Variants in CFAP70 observed in about 807,000 individuals in gnomAD.
CFAP70 encodes the protein cilia and flagella associated protein 70.
A neutral mutation model predicts 137.6 loss-of-function variants in CFAP70; 81 were observed. That is an observed-to-expected ratio of 0.59 (90% confidence interval 0.49 to 0.71). The LOEUF (loss-of-function observed/expected upper bound fraction) is 0.71. Among genes scored for constraint, CFAP70 ranks in the 30% least tolerant of loss-of-function variants. The pLI is 0.00. For synonymous variants in CFAP70, 382 were observed against 423.6 expected (o/e 0.90, Z 1.20); for missense variants, 976 against 1,226.7 (o/e 0.80, Z 3.05).
intron 19 of CFAP70, among the ~76,000 whole-genome samples, chr10:73,286,361 G>T (rs1002405278): frequency 2.0e-5 from 3 of 151,938 alleles, no homozygotes; most frequent in Admixed American, 2.0e-4. Context: ...GGAGAATGGC[G>T]TGAACCCGGG....
chr10:73,256,673 G>A (rs1390393557), intron 25 of CFAP70, among the ~76,000 whole-genome samples: 1 of 151,922 alleles, frequency 6.6e-6, no homozygotes, highest in Non-Finnish European at 1.5e-5. Context: ...GGAGACCGAG[G>A]TGGGTGGATC....
At chr10:73,359,655 C>T, upstream of CFAP70, among the ~76,000 whole-genome samples, 1 of 152,220 alleles carries the variant, frequency 6.6e-6, no homozygotes, top group East Asian at 1.9e-4. Flanking sequence ...AGAGAACTAC[C>T]ATTTGACAAC....
chr10:73,350,659 T>C (rs1280650357), intron 3 of CFAP70, among the ~76,000 whole-genome samples: 1 of 152,158 alleles, frequency 6.6e-6, no homozygotes, highest in Non-Finnish European at 1.5e-5. Flanking sequence ...GAAATACTTA[T>C]AAAGGCTTCC....
At chr10:73,332,499 G>A (rs1589521939) in intron 7 of CFAP70, among the ~76,000 whole-genome samples, 1 of 151,950 alleles carries the variant, frequency 6.6e-6, no homozygotes, top group South Asian at 2.1e-4. Flanking sequence ...GGGATAGGAG[G>A]AAAAAAAGAT....
upstream of CFAP70, among the ~76,000 whole-genome samples, chr10:73,360,164 G>T (rs957301449): frequency 6.6e-6 from 1 of 152,184 alleles, no homozygotes; most frequent in Admixed American, 6.5e-5. Flanking sequence ...TTGGATGGTA[G>T]TGTTGTACCA....
chr10:73,275,386 T>TC lies in CFAP70; in HGVS notation c.2673+59dup. ...CCAGAAATCTACGTGTGATATGGCA[T>TC]CACCACCTTTAAATAAAGCCCCTTC... On this transcript the variant is annotated intron_variant, in intron 22 of 26. Coordinates refer to ENST00000310715, the Ensembl canonical transcript of CFAP70. The surrounding 1 kb of genome is among the most constrained non-coding windows in gnomAD (Gnocchi z 4.0). 6.6e-7 allele frequency: 1 copy of TC among 1,517,910 alleles called. No individual in the cohort carries two copies. Among genetic ancestry groups the TC allele is most frequent in the Non-Finnish European group, 8.8e-7 (1 of 1,134,300 alleles). The allele number at this position is 1,517,910 out of a possible 1,614,324, so 94.0% of individuals were successfully genotyped here. A position where few individuals can be genotyped will look rare whatever the true frequency, so the allele number is the denominator to read the frequency against.
rs763459371 is a variant in CFAP70, at chr10:73,278,348, T to C, written c.2240-11A>G. 12 of 1,598,444 alleles carry C rather than the reference T, an allele frequency of 7.5e-6. No homozygotes were observed. The highest frequency in any genetic ancestry group is 5.2e-5 in the Admixed American group (3 of 57,478). ...ATGCAGCTCCTGGTCCTAAATAGATTACATTTTAATGAAAAATAAAACTTC... is the reference window on the plus strand; with the variant it reads ...ATGCAGCTCCTGGTCCTAAATAGATCACATTTTAATGAAAAATAAAACTTC... On this transcript the variant is annotated splice_polypyrimidine_tract_variant and intron_variant, in intron 19 of 26. Transcript: ENST00000310715.
At chr10:73,320,228 T>A (rs1564836671) in intron 9 of CFAP70, among the ~76,000 whole-genome samples, 1 of 152,184 alleles carries the variant, frequency 6.6e-6, no homozygotes, top group South Asian at 2.1e-4. Flanking sequence ...ATATTCATTT[T>A]TATAGTCTTC....
At chr10:73,299,781 C>T (rs576580033) in intron 12 of CFAP70, 116 bp from the exon 14 acceptor site, 141 of 715,510 alleles carry the variant, frequency 2.0e-4, no homozygotes, top group Admixed American at 1.4e-3. Context: ...GAGGTCTGTT[C>T]CCCCACTGCA....
intron 23 of CFAP70, among the ~76,000 whole-genome samples, chr10:73,274,027 A>G (rs1236166618): frequency 6.6e-6 from 1 of 152,218 alleles, no homozygotes; most frequent in African/African-American, 2.4e-5. Context: ...AGAGCGCCCT[A>G]TGGAATGGGG....
chr10:73,343,986 C>T (rs182673284), intron 5 of CFAP70, among the ~76,000 whole-genome samples: 4 of 146,804 alleles, frequency 2.7e-5, no homozygotes, highest in African/African-American at 5.1e-5. Flanking sequence ...TTTGAGATGG[C>T]GTTTCACTCG....
chr10:73,352,362 C>T (rs1026443797), intron 3 of CFAP70, among the ~76,000 whole-genome samples: 8 of 152,136 alleles, frequency 5.3e-5, no homozygotes, highest in Non-Finnish European at 8.8e-5. Context: ...TTTTTTCCTA[C>T]GGTGTTTGGC....
In CFAP70 at chr10:73,335,641, CTATAAG is replaced by C. The variant is rs1402659451; in HGVS notation, c.583-123_583-118del. Reference sequence around the variant, plus strand: ...AATACTTTTCTTAGTATTATTACTACTATAAGTATGACTACTATTGCAACTACTACC... The same window carrying C: ...AATACTTTTCTTAGTATTATTACTACTATGACTACTATTGCAACTACTACC... On this transcript the variant is annotated intron_variant, in intron 6 of 26. Coordinates refer to ENST00000310715, the Ensembl canonical transcript of CFAP70. 63 of 594,522 alleles carry C rather than the reference CTATAAG, an allele frequency of 1.1e-4. No individual in the cohort carries two copies. In the East Asian group the frequency reaches 1.2e-3, roughly 11 times the overall value. The allele number at this position is 594,522 out of a possible 1,614,324, so 36.8% of individuals were successfully genotyped here.
At position 73,298,889 on chromosome 10, in the gene CFAP70, A is replaced by C; in HGVS notation, c.1512+18T>G. 6.2e-7 allele frequency: 1 copy of C among 1,611,848 alleles called. No individual in the cohort carries two copies. Among genetic ancestry groups the C allele is most frequent in the African/African-American group, 1.3e-5 (1 of 74,944 alleles). ...TCCATAAACACCCATGGAGTAATTA[A>C]ACAAGTGAATGTTTTACCTTGAGTT... On this transcript the variant is annotated intron_variant, in intron 14 of 26. Transcript: ENST00000310715.
At chr10:73,253,953 A>G in exon 27 of CFAP70, 1 of 1,583,982 alleles carries the variant, frequency 6.3e-7, no homozygotes, top group Non-Finnish European at 8.6e-7. Context: ...CCCATGCAGA[A>G]AATTGTTCAG....
At chr10:73,317,057 A>G (rs2050450723) in intron 9 of CFAP70, among the ~76,000 whole-genome samples, 1 of 152,012 alleles carries the variant, frequency 6.6e-6, no homozygotes, top group African/African-American at 2.4e-5. Context: ...AGAGAGTCTC[A>G]CTCTGTCATC....
chr10:73,269,568 C>G, intron 25 of CFAP70, 46 bp downstream of exon 26: 2 of 1,422,544 alleles, frequency 1.4e-6, no homozygotes, highest in Non-Finnish European at 9.9e-7. Flanking sequence ...TGACCCCTCA[C>G]CTCTGTGCCC....
At chr10:73,313,415 T>C (rs377341275) in intron 9 of CFAP70, among the ~76,000 whole-genome samples, 26 of 146,938 alleles carry the variant, frequency 1.8e-4, no homozygotes, top group African/African-American at 6.3e-4. Flanking sequence ...TGGTGGCACA[T>C]GACTGTGGTC....
chr10:73,341,316 A>G, intron 6 of CFAP70, 83 bp downstream of exon 7: 1 of 1,228,970 alleles, frequency 8.1e-7, no homozygotes, highest in African/African-American at 1.5e-5. Flanking sequence ...ACAAATGTAT[A>G]TAAATTACAG....
Sources: allele counts gnomAD v4.1 joint callset (sites outside exome capture counted in the v4.1 genomes callset), GRCh38; gene constraint gnomAD v4.1.1; non-coding constraint Gnocchi (gnomAD v3.1); transcripts MANE v1.5; gene names NCBI Gene and HGNC (gene_info 2026-07-23, HGNC 2026-07-21).